The following ZNF83 variants were observed in gnomAD, a reference collection of about 807,000 sequenced individuals.
ZNF83 encodes the protein zinc finger protein 83.
For missense variants in ZNF83, 552 were observed against 629.9 expected, an observed-to-expected ratio of 0.88 and a Z score of 1.32; for synonymous variants, 209 against 213.0, an observed-to-expected ratio of 0.98 and a Z score of 0.17.
intron 1 of ZNF83, among the ~76,000 whole-genome samples, chr19:52,690,253 G>C (rs1442500861): frequency 6.6e-6 from 1 of 151,972 alleles, no homozygotes; most frequent in East Asian, 1.9e-4. Context: ...AGAAAGACAG[G>C]GGATGGGACC....
chr19:52,659,921 G>A (rs952686207), intron 2 of ZNF83, among the ~76,000 whole-genome samples: 7 of 152,112 alleles, frequency 4.6e-5, no homozygotes, highest in African/African-American at 1.2e-4. Context: ...CTGGGTGGGC[G>A]GTAACTCACG....
chr19:52,683,522 A>AGGACCCTCACTCTGAGCGCATC lies in ZNF83; in HGVS notation c.-283+6920_-283+6921insGATGCGCTCAGAGTGAGGGTCC, dbSNP rs199947809. 1.7e-4 allele frequency among the ~76,000 whole-genome samples: 14 copies of AGGACCCTCACTCTGAGCGCATC among 84,210 alleles called. 1 individual carries two copies. The highest frequency in any genetic ancestry group is 5.6e-4 in the East Asian group (2 of 3,570). 55.2% of individuals were successfully genotyped at this position (84,210 alleles called of 152,430 possible). On this transcript the variant is annotated intron_variant, in intron 1 of 5. Transcript: ENST00000594682. ...TCCCCACCCTTCCTGAAGGGAATCC[A>AGGACCCTCACTCTGAGCGCATC]AAGGGAAGGGCAAAGTCCCTGCCCA... is the stretch of plus-strand genomic sequence containing the variant.
At chr19:52,630,646 T>A (rs2060921811) in intron 2 of ZNF83, among the ~76,000 whole-genome samples, 1 of 151,674 alleles carries the variant, frequency 6.6e-6, no homozygotes, top group Admixed American at 6.6e-5. Context: ...TCCTCTCGTA[T>A]CCCCCCACCT....
chr19:52,680,730 A>T (rs567776429), intron 1 of ZNF83, among the ~76,000 whole-genome samples: 1 of 136,230 alleles, frequency 7.3e-6, no homozygotes. Context: ...CTCCTGCCTC[A>T]GCCTCCCGAG....
chr19:52,613,736 C>G (rs1158003339), exon 3 of ZNF83: 1 of 1,362,278 alleles, frequency 7.3e-7, no homozygotes, highest in Non-Finnish European at 9.5e-7. Flanking sequence ...TGATGTTGTG[C>G]AAGGTGTGAA....
intron 2 of ZNF83, among the ~76,000 whole-genome samples, chr19:52,629,792 T>C (rs1480812224): frequency 1.3e-5 from 2 of 152,212 alleles, no homozygotes; most frequent in Non-Finnish European, 2.9e-5. Context: ...CGTCTTATTC[T>C]CAAAATACAT....
exon 3 of ZNF83, chr19:52,612,819 C>G: frequency 2.1e-6 from 1 of 476,602 alleles, no homozygotes; most frequent in East Asian, 3.3e-5. Flanking sequence ...ATCCTGGTCT[C>G]AGATTTTACC....
intron 3 of ZNF83, among the ~76,000 whole-genome samples, chr19:52,646,908 T>C (rs476955): frequency 0.51 from 77,524 of 152,016 alleles, 20,484 homozygotes; most frequent in East Asian, 0.71. Context: ...AGTTATGGTA[T>C]AGATTACATA....
At chr19:52,664,411 C>T (rs2061620376) in intron 1 of ZNF83, among the ~76,000 whole-genome samples, 2 of 151,998 alleles carry the variant, frequency 1.3e-5, no homozygotes, top group East Asian at 1.9e-4. Flanking sequence ...TGGGAGGATC[C>T]GTTGAACCCA....
intron 1 of ZNF83, among the ~76,000 whole-genome samples, chr19:52,681,867 A>G (rs1005948558): frequency 2.0e-5 from 3 of 152,170 alleles, no homozygotes; most frequent in Non-Finnish European, 4.4e-5. Flanking sequence ...TTTCCTTTTA[A>G]GACAGAGTCT....
chr19:52,656,208 G>A (rs1053969031), intron 2 of ZNF83, among the ~76,000 whole-genome samples: 2 of 144,274 alleles, frequency 1.4e-5, no homozygotes, highest in Admixed American at 7.0e-5. Flanking sequence ...GTGAGACTCC[G>A]TCTCTCTCTC....
chr19:52,640,175 C>T (rs534103550), upstream of ZNF83, among the ~76,000 whole-genome samples: 3 of 152,210 alleles, frequency 2.0e-5, no homozygotes, highest in Admixed American at 2.0e-4. Context: ...GCCTACAATC[C>T]GACAGAAACT....
At chr19:52,665,229 G>A (rs1035902752) in intron 1 of ZNF83, among the ~76,000 whole-genome samples, 11 of 152,052 alleles carry the variant, frequency 7.2e-5, no homozygotes, top group African/African-American at 2.4e-4. Context: ...TCAGGCCAGG[G>A]AGGAGTGAGG....
chr19:52,627,198 C>CT (rs138798388), intron 2 of ZNF83, among the ~76,000 whole-genome samples: 35,741 of 151,970 alleles, frequency 0.24, 4,798 homozygotes, highest in East Asian at 0.49. Context: ...TGCCCCACCC[C>CT]ATCTCCTTTT....
At chr19:52,642,574 A>G (rs1039131023), upstream of ZNF83, among the ~76,000 whole-genome samples, 1 of 152,100 alleles carries the variant, frequency 6.6e-6, no homozygotes, top group Non-Finnish European at 1.5e-5. Context: ...ATAAAACGGG[A>G]GGCAAGTTTG....
intron 2 of ZNF83, among the ~76,000 whole-genome samples, chr19:52,657,014 G>A (rs1361539806): frequency 6.6e-6 from 1 of 152,142 alleles, no homozygotes; most frequent in East Asian, 1.9e-4. Context: ...TACTCACGAG[G>A]CTGAGGTGGG....
intron 1 of ZNF83, among the ~76,000 whole-genome samples, chr19:52,668,604 G>T (rs141186694): frequency 6.6e-6 from 1 of 152,000 alleles, no homozygotes; most frequent in African/African-American, 2.4e-5. Context: ...GACATGCCTC[G>T]TGCCAAATGA....
At chr19:52,655,166 AAG>A (rs2061489645) in intron 3 of ZNF83, 1 of 189,902 alleles carries the variant, frequency 5.3e-6, no homozygotes, top group African/African-American at 2.4e-5. Flanking sequence ...CAGCCTGAGC[AAG>A]AGAGGGAGAC....
intron 3 of ZNF83, chr19:52,654,501 A>G: frequency 2.0e-6 from 1 of 505,712 alleles, no homozygotes. Context: ...AGCAATACTT[A>G]TTTTAAAATT....
Sources: gnomAD v4.1 joint callset for allele counts (sites outside exome capture counted in the v4.1 genomes callset) on GRCh38, gnomAD v4.1.1 for gene constraint, MANE v1.5 for transcripts, NCBI Gene and HGNC (gene_info 2026-07-23, HGNC 2026-07-21) for gene names.